MARK4: variants seen among roughly 807,000 people sequenced by gnomAD.
MARK4 encodes MAP/microtubule affinity-regulating kinase 4.
MARK4 carries 19 observed loss-of-function variants against 81.5 expected under a neutral mutation model. The observed-to-expected ratio is 0.23, with a 90% CI of 0.16 to 0.34. MARK4 has a LOEUF of 0.34. MARK4 is among the 10% of genes least tolerant of loss of function. The pLI is 1.00. For synonymous variants in MARK4, 436 were observed against 439.0 expected, an observed-to-expected ratio of 0.99 and a Z score of 0.08; for missense variants, 772 against 1,058.8, an observed-to-expected ratio of 0.73 and a Z score of 3.76.
chr19:45,280,853 G>A, intron 12 of MARK4, 119 bp downstream of exon 12: 3 of 1,385,908 alleles, frequency 2.2e-6, no homozygotes, highest in Non-Finnish European at 3.0e-6. Flanking sequence ...ACCTCAGAGA[G>A]GGAGGAATGT....
chr19:45,260,720 A>G (rs1440493587), intron 2 of MARK4, among the ~76,000 whole-genome samples: 1 of 148,232 alleles, frequency 6.7e-6, no homozygotes, highest in Admixed American at 6.7e-5. Flanking sequence ...AAATAAATAA[A>G]TAGTAAATAA....
intron 2 of MARK4, 99 bp downstream of exon 2, chr19:45,259,288 G>A: frequency 7.4e-7 from 1 of 1,356,640 alleles, no homozygotes; most frequent in African/African-American, 1.4e-5. Flanking sequence ...GGTTTGCTTT[G>A]TGGCCTCAGG....
At chr19:45,298,903 C>G (rs1568504694) in intron 15 of MARK4, among the ~76,000 whole-genome samples, 2 of 151,808 alleles carry the variant, frequency 1.3e-5, no homozygotes, top group East Asian at 3.9e-4. Context: ...TAGCAAGATC[C>G]TATCTCTACA....
chr19:45,286,715 T>TA (rs1230580490), intron 12 of MARK4, among the ~76,000 whole-genome samples: 2 of 151,024 alleles, frequency 1.3e-5, no homozygotes, highest in Non-Finnish European at 2.9e-5. Context: ...CCTGTCTCAA[T>TA]AAAAAAATTA....
At chr19:45,264,532 G>C (rs1970424799) in intron 4 of MARK4, 152 bp from the exon 5 acceptor site, 2 of 720,774 alleles carry the variant, frequency 2.8e-6, no homozygotes, top group African/African-American at 3.5e-5. Context: ...AGAGGGGGCT[G>C]AGGAGTTTGG....
At chr19:45,290,516 G>T (rs1306850682) in intron 13 of MARK4, among the ~76,000 whole-genome samples, 1 of 152,274 alleles carries the variant, frequency 6.6e-6, no homozygotes, top group Non-Finnish European at 1.5e-5. Context: ...GCCATGACCA[G>T]TATTAACCAG....
chr19:45,295,516 T>C (rs920641754), intron 14 of MARK4, among the ~76,000 whole-genome samples: 1 of 152,294 alleles, frequency 6.6e-6, no homozygotes, highest in Middle Eastern at 3.4e-3. Context: ...GGCTCACACC[T>C]GTAATCCCAG....
chr19:45,296,131 G>GA (rs1276143748), intron 14 of MARK4, among the ~76,000 whole-genome samples: 1 of 151,980 alleles, frequency 6.6e-6, no homozygotes, highest in Non-Finnish European at 1.5e-5. Flanking sequence ...CTTGACTCCA[G>GA]AATCTTATTT....
intron 1 of MARK4, among the ~76,000 whole-genome samples, chr19:45,251,858 T>C (rs1293216037): frequency 6.6e-6 from 1 of 150,858 alleles, no homozygotes; most frequent in Non-Finnish European, 1.5e-5. Flanking sequence ...GGGACCCCTC[T>C]CTTGTCCCCG....
At chr19:45,278,207 C>T (rs1297515879) in intron 9 of MARK4, among the ~76,000 whole-genome samples, 165 bp downstream of exon 9, 2 of 152,036 alleles carry the variant, frequency 1.3e-5, no homozygotes, top group Non-Finnish European at 2.9e-5. Flanking sequence ...CAGGGAAAAG[C>T]TCCCAGGCCT....
At chr19:45,280,037 C>T (rs1343408468) in intron 10 of MARK4, 2 of 296,334 alleles carry the variant, frequency 6.7e-6, no homozygotes, top group Non-Finnish European at 1.3e-5. Context: ...GAGCAGACAC[C>T]AGTGAATGAC....
At chr19:45,300,686 C>G (rs977897987) in intron 16 of MARK4, among the ~76,000 whole-genome samples, 3 of 152,134 alleles carry the variant, frequency 2.0e-5, no homozygotes, top group African/African-American at 4.8e-5. Flanking sequence ...TGTCTGAGTT[C>G]CCGGTTTAGA....
At position 45,302,260 on chromosome 19, in the gene MARK4, T is replaced by A; in HGVS notation, c.1923-114T>A. 1 of 1,559,812 alleles carries A rather than the reference T, an allele frequency of 6.4e-7. No individual in the cohort carries two copies. Among genetic ancestry groups the A allele is most frequent in the Non-Finnish European group, 8.7e-7 (1 of 1,152,258 alleles). ...GTCGCTGGGGTAACAGGGGAAGATG[T>A]TTTTTGAGGGGATGGCTAGGAATGT... On this transcript the variant is annotated intron_variant, in intron 16 of 16. Coordinates refer to ENST00000262891, the MANE Select transcript of MARK4 (RefSeq NM_001199867.2). This position sits in a 1 kb window ranked among gnomAD's most constrained non-coding sequence, Gnocchi z 4.9.
intron 1 of MARK4, 86 bp downstream of exon 1, chr19:45,251,725 C>A: frequency 7.7e-7 from 1 of 1,298,764 alleles, no homozygotes; most frequent in Non-Finnish European, 1.0e-6. Flanking sequence ...CCCCGCGAGC[C>A]CCTACCCTCG....
intron 8 of MARK4, among the ~76,000 whole-genome samples, chr19:45,273,141 T>A: frequency 6.6e-6 from 1 of 151,838 alleles, no homozygotes; most frequent in Non-Finnish European, 1.5e-5. Flanking sequence ...TGCTTTTTTT[T>A]TTTCCCCCTT....
chr19:45,297,661 T>G lies in MARK4; in HGVS notation c.1599-15T>G. On this transcript the variant is annotated splice_polypyrimidine_tract_variant and intron_variant, in intron 14 of 16. Coordinates refer to ENST00000262891, the MANE Select transcript of MARK4 (RefSeq NM_001199867.2). ...CCTCAGTCCCCCACCCTGACTTGTCTGTCTCTGCCCACAGCTCAGGCACCC... is the reference window on the plus strand; with the variant it reads ...CCTCAGTCCCCCACCCTGACTTGTCGGTCTCTGCCCACAGCTCAGGCACCC... 6.6e-7 allele frequency: 1 copy of G among 1,506,054 alleles called. No individual in the cohort carries two copies. Among genetic ancestry groups the G allele is most frequent in the Non-Finnish European group, 8.8e-7 (1 of 1,131,008 alleles). The allele number at this position is 1,506,054 out of a possible 1,614,324, so 93.3% of individuals were successfully genotyped here. A position where few individuals can be genotyped will look rare whatever the true frequency, so the allele number is the denominator to read the frequency against.
Position 45,284,978 on chromosome 19 carries a change from CT to C in MARK4, c.1277-2468del, listed in dbSNP as rs553976842. On this transcript the variant is annotated intron_variant, in intron 12 of 16. Transcript: ENST00000262891. ...TGGTGGTGAGCACCTGTAATCTCAG[CT>C]ACTTGGGAGGCTGAGGCAGGAGAAT... Among the ~76,000 whole-genome samples, 3 of 152,234 alleles carry C rather than the reference CT, an allele frequency of 2.0e-5. No homozygotes were observed. In the East Asian group the frequency reaches 5.8e-4, roughly 30 times the overall value.
chr19:45,294,348 G>A lies in MARK4; in HGVS notation c.1495-1G>A. The A allele has an allele frequency of 6.2e-7, 1 of 1,613,994 alleles. No homozygotes were observed. Among genetic ancestry groups the A allele is most frequent in the Non-Finnish European group, 8.5e-7 (1 of 1,179,960 alleles). ...TCCCTTCCTGGCTGTGTCTCCTGCAGAACAACCTCCCTCCTAGCATGATGA... is the reference window on the plus strand; with the variant it reads ...TCCCTTCCTGGCTGTGTCTCCTGCAAAACAACCTCCCTCCTAGCATGATGA... On this transcript the variant is annotated splice_acceptor_variant, in intron 13 of 16. Transcript: ENST00000262891. LOFTEE classifies it high-confidence loss of function.
chr19:45,289,051 A>C (rs1253803961), intron 13 of MARK4, among the ~76,000 whole-genome samples: 1 of 152,048 alleles, frequency 6.6e-6, no homozygotes. Flanking sequence ...ACCAGGGTGC[A>C]CACAGGTGTG....
Sources: allele counts gnomAD v4.1 joint callset (sites outside exome capture counted in the v4.1 genomes callset), GRCh38; gene constraint gnomAD v4.1.1; non-coding constraint Gnocchi (gnomAD v3.1); transcripts MANE v1.5; gene names NCBI Gene and HGNC (gene_info 2026-07-23, HGNC 2026-07-21).